ZFP91: variants seen among roughly 807,000 people sequenced by gnomAD.
ZFP91 encodes E3 ubiquitin-protein ligase ZFP91.
A neutral mutation model predicts 63.5 loss-of-function variants in ZFP91; 7 were observed. The observed-to-expected ratio is 0.11, with a 90% CI of 0.06 to 0.21. The LOEUF (loss-of-function observed/expected upper bound fraction) is 0.21, where lower values mean the gene tolerates loss of function less well. Ranked by LOEUF, ZFP91 falls within the 10% of genes least tolerant of loss-of-function variation. The probability of loss-of-function intolerance (pLI) is 1.00; values close to 1 mark genes in which losing one functional copy is unlikely to be tolerated. For synonymous variants in ZFP91, 330 were observed against 272.1 expected (o/e 1.21, Z -2.10); for missense variants, 628 against 736.6 (o/e 0.85, Z 1.71).
chr11:58,587,850 CAT>C (rs1446732437), intron 2 of ZFP91, among the ~76,000 whole-genome samples: 1 of 151,996 alleles, frequency 6.6e-6, no homozygotes, highest in Non-Finnish European at 1.5e-5. Context: ...CAAGATAAAA[CAT>C]AAAAATGGAG....
intron 1 of ZFP91, among the ~76,000 whole-genome samples, chr11:58,580,877 ACTT>A (rs1208837755): frequency 1.3e-5 from 2 of 152,214 alleles, no homozygotes; most frequent in Non-Finnish European, 2.9e-5. Context: ...CTGCAATTAG[ACTT>A]CTAATTGCTG....
intron 2 of ZFP91, among the ~76,000 whole-genome samples, chr11:58,603,520 A>T (rs570190170): frequency 1.3e-5 from 2 of 152,332 alleles, no homozygotes; most frequent in East Asian, 3.9e-4. Context: ...CCTGAATTTC[A>T]TGAAAGACTG....
intron 1 of ZFP91, among the ~76,000 whole-genome samples, chr11:58,583,388 A>G (rs1855151081): frequency 6.6e-6 from 1 of 152,044 alleles, no homozygotes; most frequent in African/African-American, 2.4e-5. Flanking sequence ...GTGAAATTCC[A>G]TTTTTGGTAT....
chr11:58,611,965 C>T (rs1387855471), intron 6 of ZFP91: 1 of 549,862 alleles, frequency 1.8e-6, no homozygotes, highest in Middle Eastern at 4.8e-4. Context: ...ATTTTTTAAT[C>T]TTAGTGTTTT....
At chr11:58,590,181 T>C (rs1214210640) in intron 2 of ZFP91, among the ~76,000 whole-genome samples, 2 of 152,220 alleles carry the variant, frequency 1.3e-5, no homozygotes, top group East Asian at 3.8e-4. Context: ...CTTGCTTGTA[T>C]CTTCATTTTG....
At chr11:58,604,745 T>G (rs1855544150) in intron 2 of ZFP91, among the ~76,000 whole-genome samples, 1 of 152,198 alleles carries the variant, frequency 6.6e-6, no homozygotes, top group Non-Finnish European at 1.5e-5. Flanking sequence ...TTTTTTAAAT[T>G]TTTTTATCTT....
intron 2 of ZFP91, among the ~76,000 whole-genome samples, chr11:58,598,805 A>G (rs1855447129): frequency 6.6e-6 from 1 of 151,606 alleles, no homozygotes; most frequent in African/African-American, 2.4e-5. Flanking sequence ...TGAAATTCAC[A>G]TAACAAAAAA....
At position 58,620,531 on chromosome 11, in the gene ZFP91, A is replaced by G. The variant is rs1332837262; in HGVS notation, c.*2825A>G. 1 of 152,626 alleles carries G rather than the reference A, an allele frequency of 6.6e-6. No individual in the cohort carries two copies. The highest frequency in any genetic ancestry group is 2.4e-5 in the African/African-American group (1 of 41,446). 9.5% of individuals were successfully genotyped at this position (152,626 alleles called of 1,614,324 possible). A position where few individuals can be genotyped will look rare whatever the true frequency, so the allele number is the denominator to read the frequency against. ...GTGGTTGCCCAAGGTTGTTTTGCGTAACTGAGACTCCTTGATATGCTTCAG... is the reference window on the plus strand; with the variant it reads ...GTGGTTGCCCAAGGTTGTTTTGCGTGACTGAGACTCCTTGATATGCTTCAG... On this transcript the variant is annotated 3_prime_UTR_variant, in exon 11 of 11. Coordinates refer to ENST00000316059, the MANE Select transcript of ZFP91 (RefSeq NM_053023.5).
At chr11:58,584,530 A>C (rs553662651) in intron 1 of ZFP91, among the ~76,000 whole-genome samples, 7 of 152,220 alleles carry the variant, frequency 4.6e-5, no homozygotes, top group African/African-American at 1.7e-4. Flanking sequence ...CTTTGTATCA[A>C]TATCTTAGTT....
chr11:58,585,282 T>A (rs1286049325), intron 2 of ZFP91, among the ~76,000 whole-genome samples: 1 of 152,180 alleles, frequency 6.6e-6, no homozygotes, highest in Non-Finnish European at 1.5e-5. Flanking sequence ...ATAATTAAAT[T>A]AGGTCAATAT....
intron 5 of ZFP91, 50 bp downstream of exon 5, chr11:58,611,104 A>G (rs779205356): frequency 7.8e-6 from 12 of 1,535,546 alleles, no homozygotes; most frequent in African/African-American, 6.8e-5. Context: ...TAAGTAGGAA[A>G]GCACTGTTGC....
chr11:58,581,065 T>A (rs1401800086), intron 1 of ZFP91, among the ~76,000 whole-genome samples: 1 of 152,178 alleles, frequency 6.6e-6, no homozygotes. Flanking sequence ...GCAACGTGAG[T>A]TTGTGAGAAT....
chr11:58,591,363 TGATG>T (rs1194527898), intron 2 of ZFP91, among the ~76,000 whole-genome samples: 2 of 152,236 alleles, frequency 1.3e-5, no homozygotes, highest in Non-Finnish European at 2.9e-5. Flanking sequence ...GTTTTACTGT[TGATG>T]GATGTTTGGG....
Position 58,584,842 on chromosome 11 carries a change from CT to C in ZFP91, c.342-12del. The C allele has an allele frequency of 6.5e-7, 1 of 1,533,306 alleles. No individual in the cohort carries two copies. Among genetic ancestry groups the C allele is most frequent in the Non-Finnish European group, 8.7e-7 (1 of 1,148,816 alleles). 95.0% of individuals were successfully genotyped at this position (1,533,306 alleles called of 1,614,324 possible). ...CTAGATTGTTCATTAATGTTTGATT[CT>C]TATTTCTTTCAGATGCATAGAAAAA... On this transcript the variant is annotated splice_polypyrimidine_tract_variant and intron_variant, in intron 1 of 10. Coordinates refer to ENST00000316059, the MANE Select transcript of ZFP91 (RefSeq NM_053023.5).
intron 2 of ZFP91, among the ~76,000 whole-genome samples, chr11:58,609,552 TACTTA>T (rs1444191579): frequency 6.6e-6 from 1 of 152,250 alleles, no homozygotes; most frequent in East Asian, 1.9e-4. Context: ...TGAATCCAGT[TACTTA>T]AGTGTATTTT....
rs374973993 is a variant in ZFP91 at position 58,617,070 on chromosome 11, T to TG, written c.1203-126_1203-125insG. Reference sequence around the variant, plus strand: ...TTCAAAAGAAGTATGTTACTGATTATTGTGTGTGTGTGTGTGTGTGTGTGT... The same window carrying TG: ...TTCAAAAGAAGTATGTTACTGATTATGTGTGTGTGTGTGTGTGTGTGTGTGT... On this transcript the variant is annotated intron_variant, in intron 10 of 10. Coordinates refer to ENST00000316059, the MANE Select transcript of ZFP91 (RefSeq NM_053023.5). This position sits in a 1 kb window ranked among gnomAD's most constrained non-coding sequence, Gnocchi z 4.2. The TG allele has an allele frequency of 1.7e-3, 1,290 of 740,606 alleles. 11 individuals carry two copies. In the African/African-American group the frequency reaches 0.021, roughly 12 times the overall value. The allele number at this position is 740,606 out of a possible 1,614,324, so 45.9% of individuals were successfully genotyped here.
intron 1 of ZFP91, among the ~76,000 whole-genome samples, chr11:58,582,998 C>G (rs1855145160): frequency 6.6e-6 from 1 of 152,054 alleles, no homozygotes. Flanking sequence ...TAAGACTGAT[C>G]ATTTGCTGTA....
At chr11:58,611,391 C>G (rs909682521) in intron 5 of ZFP91, 2 of 603,444 alleles carry the variant, frequency 3.3e-6, no homozygotes, top group African/African-American at 3.8e-5. Flanking sequence ...TTACAGGCAT[C>G]TTTAGTCTGG....
intron 2 of ZFP91, among the ~76,000 whole-genome samples, chr11:58,604,470 G>A (rs534767787): frequency 2.0e-5 from 3 of 152,286 alleles, no homozygotes; most frequent in African/African-American, 7.2e-5. Flanking sequence ...CCAGAAGTAT[G>A]GGAGAATAGA....
Sources: allele counts gnomAD v4.1 joint callset (sites outside exome capture counted in the v4.1 genomes callset), GRCh38; gene constraint gnomAD v4.1.1; non-coding constraint Gnocchi (gnomAD v3.1); transcripts MANE v1.5; gene names NCBI Gene and HGNC (gene_info 2026-07-23, HGNC 2026-07-21).